Variants in STEAP1B observed in about 807,000 individuals in gnomAD.
The protein encoded by STEAP1B is STEAP family member 1B.
STEAP1B carries 13 observed loss-of-function variants against 27.9 expected under a neutral mutation model. The observed-to-expected ratio is 0.47, with a 90% CI of 0.30 to 0.74. The LOEUF (loss-of-function observed/expected upper bound fraction) is 0.74. Among genes scored for constraint, STEAP1B ranks in the 30% least tolerant of loss-of-function variants. The pLI is 0.06. For synonymous variants in STEAP1B, 86 were observed against 107.1 expected (o/e 0.80, Z 1.22); for missense variants, 250 against 298.7 (o/e 0.84, Z 1.20).
At chr7:22,491,884 G>C (rs1413667649) in intron 4 of STEAP1B, among the ~76,000 whole-genome samples, 1 of 152,140 alleles carries the variant, frequency 6.6e-6, no homozygotes, top group Admixed American at 6.5e-5. Context: ...AAGGAAGATA[G>C]AGACAGTAAT....
chr7:22,447,865 C>A (rs111894765), intron 4 of STEAP1B, among the ~76,000 whole-genome samples: 2 of 152,208 alleles, frequency 1.3e-5, no homozygotes, highest in Admixed American at 1.3e-4. Context: ...ACATGCATGA[C>A]CTCATCTAAG....
intron 4 of STEAP1B, among the ~76,000 whole-genome samples, chr7:22,486,689 C>T (rs545338301): frequency 7.9e-5 from 12 of 152,230 alleles, no homozygotes; most frequent in Non-Finnish European, 1.6e-4. Flanking sequence ...CCTTCCTGCC[C>T]ACCTTTCACC....
intron 4 of STEAP1B, among the ~76,000 whole-genome samples, chr7:22,464,545 C>G (rs753286543): frequency 6.6e-6 from 1 of 152,068 alleles, no homozygotes; most frequent in Admixed American, 6.5e-5. Context: ...CGGAAAGTGA[C>G]CATATTTGGA....
At chr7:22,468,607 A>G (rs528225917) in intron 4 of STEAP1B, among the ~76,000 whole-genome samples, 10 of 152,362 alleles carry the variant, frequency 6.6e-5, no homozygotes, top group Admixed American at 2.6e-4. Context: ...AGACCTGCAC[A>G]CAAACACTAT....
In STEAP1B at chr7:22,456,188, TCTC is replaced by T. The variant is rs1785576665; in HGVS notation, c.763-36355_763-36353del. Among the ~76,000 whole-genome samples the T allele has an allele frequency of 2.0e-5, 3 of 152,132 alleles. No homozygotes were observed. The South Asian group carries it at 6.2e-4, about 32-fold the overall frequency. On this transcript the variant is annotated intron_variant, in intron 4 of 4. Transcript: ENST00000678116. ...TTCCTAATCCATTTAAAATATTTCT[TCTC>T]CTTTTACTCCACCAGTTCAATTACT... is the stretch of plus-strand genomic sequence containing the variant.
chr7:22,476,186 C>T (rs141817828), intron 4 of STEAP1B, among the ~76,000 whole-genome samples: 198 of 152,312 alleles, frequency 1.3e-3, no homozygotes, highest in Non-Finnish European at 2.4e-3. Flanking sequence ...CGTTGTATTA[C>T]TTCTCTTTGC....
At chr7:22,476,176 C>A (rs544769327) in intron 4 of STEAP1B, among the ~76,000 whole-genome samples, 1 of 152,156 alleles carries the variant, frequency 6.6e-6, no homozygotes, top group Non-Finnish European at 1.5e-5. Flanking sequence ...CCCCAAACCC[C>A]GTTGTATTAC....
chr7:22,442,151 T>C (rs945183254), intron 4 of STEAP1B, among the ~76,000 whole-genome samples: 2 of 152,168 alleles, frequency 1.3e-5, no homozygotes, highest in Non-Finnish European at 2.9e-5. Context: ...AAGAGGGCAA[T>C]GGTGCTCATT....
chr7:22,487,314 T>C (rs934145753), intron 4 of STEAP1B, among the ~76,000 whole-genome samples: 1 of 152,112 alleles, frequency 6.6e-6, no homozygotes, highest in East Asian at 1.9e-4. Context: ...AATAAAAACA[T>C]AAAGATGAGG....
intron 4 of STEAP1B, among the ~76,000 whole-genome samples, chr7:22,431,681 C>G (rs1331157774): frequency 1.3e-5 from 2 of 152,204 alleles, no homozygotes; most frequent in African/African-American, 4.8e-5. Context: ...TGACTTATAG[C>G]TGAATTTGAT....
intron 4 of STEAP1B, among the ~76,000 whole-genome samples, chr7:22,468,200 A>T (rs559684646): frequency 6.2e-4 from 95 of 152,288 alleles, no homozygotes; most frequent in African/African-American, 2.1e-3. Context: ...ATACTAAAAA[A>T]ATTTATCTGA....
At chr7:22,447,348 G>C (rs28644254) in intron 4 of STEAP1B, among the ~76,000 whole-genome samples, 36,178 of 152,132 alleles carry the variant, frequency 0.24, 5,655 homozygotes, top group Non-Finnish European at 0.33. Context: ...ATGACTTCTT[G>C]TGTGTGTACT....
chr7:22,463,108 C>T (rs2053813794), intron 4 of STEAP1B, among the ~76,000 whole-genome samples: 2 of 152,116 alleles, frequency 1.3e-5, no homozygotes, highest in Non-Finnish European at 2.9e-5. Context: ...TCAGCAAAGT[C>T]TCAGGATACA....
chr7:22,420,408 AT>A (rs1454226782), intron 4 of STEAP1B, among the ~76,000 whole-genome samples: 1 of 152,178 alleles, frequency 6.6e-6, no homozygotes, highest in East Asian at 1.9e-4. Flanking sequence ...ACCCAATAGT[AT>A]CCCACAGCCT....
At chr7:22,473,952 C>T (rs1168364193) in intron 4 of STEAP1B, among the ~76,000 whole-genome samples, 3 of 152,160 alleles carry the variant, frequency 2.0e-5, no homozygotes, top group African/African-American at 7.2e-5. Flanking sequence ...TGAGAATCAA[C>T]TCCAAAGGCA....
At chr7:22,463,642 A>T (rs1209119184) in intron 4 of STEAP1B, among the ~76,000 whole-genome samples, 1 of 152,228 alleles carries the variant, frequency 6.6e-6, no homozygotes. Context: ...AACCCTCAGA[A>T]ATAACGCCGC....
chr7:22,420,991 C>T (rs1372649967), intron 4 of STEAP1B, among the ~76,000 whole-genome samples: 1 of 152,160 alleles, frequency 6.6e-6, no homozygotes, highest in African/African-American at 2.4e-5. Context: ...CACTCTACTG[C>T]CTCTCTCTTA....
intron 4 of STEAP1B, among the ~76,000 whole-genome samples, chr7:22,491,861 T>C (rs546022415): frequency 1.3e-5 from 2 of 152,284 alleles, no homozygotes; most frequent in Admixed American, 6.5e-5. Flanking sequence ...TTGTCAGCTA[T>C]GTTCTGTTTG....
intron 4 of STEAP1B, among the ~76,000 whole-genome samples, chr7:22,458,139 C>A (rs987671241): frequency 2.6e-5 from 4 of 152,200 alleles, no homozygotes; most frequent in African/African-American, 9.7e-5. Context: ...AGGAGCTCTG[C>A]TTCTTCATTC....
Sources: allele counts gnomAD v4.1 joint callset (sites outside exome capture counted in the v4.1 genomes callset), GRCh38; gene constraint gnomAD v4.1.1; transcripts MANE v1.5; gene names NCBI Gene and HGNC (gene_info 2026-07-23, HGNC 2026-07-21).